The following GFPT2 variants were observed in gnomAD, a reference collection of about 807,000 sequenced individuals.
GFPT2 encodes glutamine--fructose-6-phosphate transaminase 2, also known as glutamine--fructose-6-phosphate aminotransferase [isomerizing] 2.
Under a neutral mutation model 85.6 loss-of-function variants are expected in GFPT2, and 62 were observed. The ratio of observed to expected loss-of-function variants is 0.72; its 90% CI spans 0.59 to 0.90. The LOEUF (loss-of-function observed/expected upper bound fraction) is 0.90, where lower values mean the gene tolerates loss of function less well. GFPT2 is among the 40% of genes least tolerant of loss of function. GFPT2 has a pLI of 0.00. For synonymous variants in GFPT2, 368 were observed against 344.5 expected (o/e 1.07, Z -0.75); for missense variants, 788 against 893.4 (o/e 0.88, Z 1.50).
At chr5:180,313,435 C>CA (rs1183086214) in intron 14 of GFPT2, among the ~76,000 whole-genome samples, 2 of 145,852 alleles carry the variant, frequency 1.4e-5, no homozygotes, top group Non-Finnish European at 3.0e-5. Context: ...ACTAAAAATA[C>CA]AAAAAATGAG....
intron 3 of GFPT2, 123 bp downstream of exon 3, chr5:180,336,356 C>G (rs1764394298): frequency 2.7e-6 from 2 of 745,928 alleles, no homozygotes; most frequent in Admixed American, 3.7e-5. Context: ...CGGGCTTAGC[C>G]CTCCCTCTGT....
At chr5:180,346,668 G>A (rs1437071763) in intron 1 of GFPT2, among the ~76,000 whole-genome samples, 4 of 150,982 alleles carry the variant, frequency 2.6e-5, no homozygotes, top group African/African-American at 7.2e-5. Context: ...CAGTGCGTGC[G>A]CCCCTGGGGC....
At chr5:180,312,598 T>G (rs1347430013) in intron 14 of GFPT2, 54 bp from the exon 15 acceptor site, 2 of 972,276 alleles carry the variant, frequency 2.1e-6, no homozygotes, top group African/African-American at 3.2e-5. Context: ...TTAAATCAAC[T>G]TTTATTTTTG....
rs932635586 is a variant in GFPT2 at position 180,330,520 on chromosome 5, G to A, written c.534+180C>T. On this transcript the variant is annotated intron_variant, in intron 6 of 18. Coordinates refer to ENST00000253778, the MANE Select transcript of GFPT2 (RefSeq NM_005110.4). The surrounding 1 kb of genome is among the most constrained non-coding windows in gnomAD (Gnocchi z 4.4). ...CAGAACGTCTTCCAGTTCTACAAGA[G>A]TGTAACATCTTAAGGCCAGGCTCTG... Among the ~76,000 whole-genome samples the A allele has an allele frequency of 4.6e-5, 7 of 152,172 alleles. No individual in the cohort carries two copies. The highest frequency in any genetic ancestry group is 1.4e-4 in the African/African-American group (6 of 41,442).
At chr5:180,327,864 T>C (rs1225128106) in intron 7 of GFPT2, among the ~76,000 whole-genome samples, 2 of 152,162 alleles carry the variant, frequency 1.3e-5, no homozygotes, top group Non-Finnish European at 2.9e-5. Context: ...GCCTCTGCTG[T>C]ACTGGATCCA....
intron 16 of GFPT2, among the ~76,000 whole-genome samples, chr5:180,306,543 T>C (rs1277288682): frequency 6.6e-6 from 1 of 152,194 alleles, no homozygotes; most frequent in Non-Finnish European, 1.5e-5. Flanking sequence ...CCCTGCCCCA[T>C]CAGCTTTCTC....
intron 1 of GFPT2, among the ~76,000 whole-genome samples, chr5:180,347,833 G>C (rs915528953): frequency 1.3e-5 from 2 of 152,172 alleles, no homozygotes; most frequent in African/African-American, 4.8e-5. Flanking sequence ...GTGGAGGGGA[G>C]GGATGATTTG....
chr5:180,310,832 C>CA (rs3080055), intron 15 of GFPT2, among the ~76,000 whole-genome samples: 2,420 of 50,544 alleles, frequency 0.048, 124 homozygotes, highest in Non-Finnish European at 0.051. Flanking sequence ...TGGACACAGG[C>CA]AAAAAAAAAA....
chr5:180,337,020 G>A (rs879877409), intron 2 of GFPT2, among the ~76,000 whole-genome samples: 1 of 152,186 alleles, frequency 6.6e-6, no homozygotes, highest in Non-Finnish European at 1.5e-5. Context: ...TAAAACCATC[G>A]GGCTCCCCCT....
chr5:180,316,712 T>A, intron 12 of GFPT2, 52 bp downstream of exon 12: 1 of 1,277,326 alleles, frequency 7.8e-7, no homozygotes, highest in South Asian at 1.3e-5. Context: ...TGAAGGCCAG[T>A]GTCTGGTCCT....
intron 1 of GFPT2, among the ~76,000 whole-genome samples, chr5:180,341,479 C>T (rs1025316294): frequency 6.6e-6 from 1 of 152,120 alleles, no homozygotes; most frequent in Non-Finnish European, 1.5e-5. Context: ...ATCATATAAA[C>T]TTAATTAATC....
intron 4 of GFPT2, among the ~76,000 whole-genome samples, chr5:180,332,143 G>A (rs1236489699): frequency 6.6e-6 from 1 of 152,122 alleles, no homozygotes; most frequent in African/African-American, 2.4e-5. Context: ...GCCAGCTGCA[G>A]CTTTTCCCAC....
chr5:180,333,664 T>G (rs1764348874), intron 4 of GFPT2, among the ~76,000 whole-genome samples: 1 of 152,258 alleles, frequency 6.6e-6, no homozygotes, highest in Non-Finnish European at 1.5e-5. Flanking sequence ...AATTTCCTTG[T>G]GTGGTATAGT....
chr5:180,324,563 T>C (rs1561878156), intron 8 of GFPT2: 1 of 588,304 alleles, frequency 1.7e-6, no homozygotes. Context: ...GTTGCCGTTA[T>C]ACAATGGCAC....
intron 9 of GFPT2, among the ~76,000 whole-genome samples, chr5:180,321,697 C>A (rs1019746408): frequency 2.0e-5 from 3 of 152,256 alleles, no homozygotes; most frequent in Non-Finnish European, 4.4e-5. Context: ...CTTATCTCTA[C>A]ACTACACGCG....
intron 15 of GFPT2, among the ~76,000 whole-genome samples, chr5:180,310,046 A>G (rs1161123992): frequency 1.3e-5 from 2 of 150,506 alleles, no homozygotes; most frequent in Non-Finnish European, 3.0e-5. Flanking sequence ...TCCTGACCTC[A>G]TGATCTGCCT....
At chr5:180,344,576 C>T (rs1249991082) in intron 1 of GFPT2, among the ~76,000 whole-genome samples, 1 of 152,224 alleles carries the variant, frequency 6.6e-6, no homozygotes, top group Non-Finnish European at 1.5e-5. Context: ...TCCTGTGGCA[C>T]AGGCATTCTG....
chr5:180,316,330 G>C lies in GFPT2; in HGVS notation c.1273+11C>G, dbSNP rs1380340006. Reference sequence around the variant, plus strand: ...TGATGCAAGGCTGGCCACAATGCCTGTGTCCCTTACCTGACTGGCTGATGA... The same window carrying C: ...TGATGCAAGGCTGGCCACAATGCCTCTGTCCCTTACCTGACTGGCTGATGA... On this transcript the variant is annotated intron_variant, in intron 13 of 18. Coordinates refer to ENST00000253778, the MANE Select transcript of GFPT2 (RefSeq NM_005110.4). The C allele has an allele frequency of 1.2e-6, 2 of 1,613,962 alleles. No individual in the cohort carries two copies. Among genetic ancestry groups the C allele is most frequent in the East Asian group, 4.5e-5 (2 of 44,882 alleles).
At chr5:180,326,704 A>C (rs1764216894) in intron 7 of GFPT2, among the ~76,000 whole-genome samples, 1 of 152,168 alleles carries the variant, frequency 6.6e-6, no homozygotes, top group Non-Finnish European at 1.5e-5. Context: ...TGGCAGTGAG[A>C]AAGTAGGTGG....
Sources: allele counts gnomAD v4.1 joint callset (sites outside exome capture counted in the v4.1 genomes callset), GRCh38; gene constraint gnomAD v4.1.1; non-coding constraint Gnocchi (gnomAD v3.1); transcripts MANE v1.5; gene names NCBI Gene and HGNC (gene_info 2026-07-23, HGNC 2026-07-21).